ST3GAL3: variants seen among roughly 807,000 people sequenced by gnomAD.
ST3GAL3 encodes the protein CMP-N-acetylneuraminate-beta-1,4-galactoside alpha-2,3-sialyltransferase.
In ST3GAL3, 21 loss-of-function variants were observed where a neutral mutation model predicts 50.1. The observed-to-expected ratio is 0.42, with a 90% CI of 0.30 to 0.60. The LOEUF (loss-of-function observed/expected upper bound fraction) is 0.60. ST3GAL3 is among the 20% of genes least tolerant of loss of function. ST3GAL3 has a pLI of 0.19. For missense variants in ST3GAL3, 353 were observed against 489.4 expected (o/e 0.72, Z 2.63); for synonymous variants, 183 against 190.0 (o/e 0.96, Z 0.30).
chr1:43,911,168 G>C (rs1209371445), intron 9 of ST3GAL3: 1 of 150,704 alleles, frequency 6.6e-6, no homozygotes, highest in Non-Finnish European at 1.5e-5. Flanking sequence ...TTGAGACAGG[G>C]TCTTACTCCG....
At chr1:43,857,414 A>C (rs543195269) in intron 5 of ST3GAL3, among the ~76,000 whole-genome samples, 27 of 152,220 alleles carry the variant, frequency 1.8e-4, no homozygotes, top group South Asian at 1.0e-3. Context: ...ACCAAAAAAA[A>C]CCCAAAAAAA....
chr1:43,774,794 A>C (rs1321182291), intron 2 of ST3GAL3, among the ~76,000 whole-genome samples: 1 of 152,196 alleles, frequency 6.6e-6, no homozygotes. Context: ...CAGCAAATAC[A>C]TATTGAGTGT....
At chr1:43,917,569 TATA>T (rs1167427153) in intron 9 of ST3GAL3, among the ~76,000 whole-genome samples, 2 of 84,728 alleles carry the variant, frequency 2.4e-5, no homozygotes, top group African/African-American at 5.0e-5. Flanking sequence ...TATTATATTA[TATA>T]ATATATTACG....
intron 4 of ST3GAL3, among the ~76,000 whole-genome samples, chr1:43,826,612 C>T (rs1434237658): frequency 6.6e-6 from 1 of 152,150 alleles, no homozygotes; most frequent in Admixed American, 6.5e-5. Context: ...CTAGACATTA[C>T]CCTATTACCC....
At chr1:43,809,743 C>T (rs551696050) in intron 3 of ST3GAL3, among the ~76,000 whole-genome samples, 1 of 151,958 alleles carries the variant, frequency 6.6e-6, no homozygotes, top group South Asian at 2.1e-4. Context: ...GCCTGTAATC[C>T]TAGCACTTTG....
chr1:43,875,944 C>CTTA (rs2074009910), intron 5 of ST3GAL3, among the ~76,000 whole-genome samples: 26 of 49,086 alleles, frequency 5.3e-4, no homozygotes, highest in Admixed American at 3.3e-3. Context: ...TCTTCTTCTT[C>CTTA]TTCTTCTTAT....
chr1:43,746,764 G>GT (rs1683870536), intron 2 of ST3GAL3, among the ~76,000 whole-genome samples: 3 of 114,270 alleles, frequency 2.6e-5, no homozygotes, highest in Admixed American at 1.8e-4. Context: ...GCCTGGCCTA[G>GT]TTTTTGTTTT....
intron 2 of ST3GAL3, among the ~76,000 whole-genome samples, chr1:43,767,679 TG>T (rs1012334071): frequency 5.9e-4 from 16 of 26,976 alleles, no homozygotes; most frequent in Middle Eastern, 0.033. Flanking sequence ...AAAACTTGGG[TG>T]GGGGGGTAGG....
intron 9 of ST3GAL3, among the ~76,000 whole-genome samples, chr1:43,909,316 C>T (rs1209565378): frequency 6.6e-6 from 1 of 152,160 alleles, no homozygotes; most frequent in African/African-American, 2.4e-5. Flanking sequence ...CATCCTTTTG[C>T]TCTCTTCTTG....
chr1:43,883,000 T>G (rs2075405592), intron 5 of ST3GAL3, among the ~76,000 whole-genome samples: 1 of 150,372 alleles, frequency 6.7e-6, no homozygotes, highest in African/African-American at 2.4e-5. Flanking sequence ...CTCACTCTGT[T>G]GCCCAGGCTG....
chr1:43,907,247 C>G (rs1258899138), intron 9 of ST3GAL3, among the ~76,000 whole-genome samples: 1 of 152,196 alleles, frequency 6.6e-6, no homozygotes, highest in African/African-American at 2.4e-5. Flanking sequence ...TTCAGCAAAT[C>G]CAAAGCAATC....
At chr1:43,851,222 T>C in intron 5 of ST3GAL3, 6 of 1,546,632 alleles carry the variant, frequency 3.9e-6, no homozygotes, top group Non-Finnish European at 5.4e-6. Flanking sequence ...TGGGTTCACC[T>C]TATAGGGCAT....
At chr1:43,775,729 C>A (rs1005097389) in intron 2 of ST3GAL3, among the ~76,000 whole-genome samples, 2 of 152,030 alleles carry the variant, frequency 1.3e-5, no homozygotes, top group African/African-American at 4.8e-5. Flanking sequence ...CTTGTGCATA[C>A]CCTTGTTCAG....
Position 43,820,481 on chromosome 1 carries a change from CA to C in ST3GAL3, c.209+5549del, listed in dbSNP as rs147368543. Among the ~76,000 whole-genome samples the C allele has an allele frequency of 6.8e-3, 1,038 of 152,140 alleles. 29 individuals carry two copies. In the East Asian group the frequency reaches 0.069, roughly 10 times the overall value. On this transcript the variant is annotated intron_variant, in intron 4 of 11. Transcript: ENST00000347631. ...ACCTAATCAAAATAAAGAGCTTTTGCACAGCAAAAGAAACTATCAACAGAGT... is the reference window on the plus strand; with the variant it reads ...ACCTAATCAAAATAAAGAGCTTTTGCCAGCAAAAGAAACTATCAACAGAGT...
Position 43,778,802 on chromosome 1 carries a change from C to T in ST3GAL3, c.119-13300C>T, listed in dbSNP as rs1248729386. Among the ~76,000 whole-genome samples, 24 of 151,470 alleles carry T rather than the reference C, an allele frequency of 1.6e-4. No individual in the cohort carries two copies. In the East Asian group the frequency reaches 4.3e-3, roughly 27 times the overall value. ...CTGGGACTACAGGCACCCGCCACAA[C>T]GCCCGGCTAATTTTTTTTGTATTTT... On this transcript the variant is annotated intron_variant, in intron 2 of 11. Coordinates refer to ENST00000347631, the MANE Select transcript of ST3GAL3 (RefSeq NM_006279.5).
At chr1:43,809,420 G>A (rs933027952) in intron 3 of ST3GAL3, among the ~76,000 whole-genome samples, 1 of 152,216 alleles carries the variant, frequency 6.6e-6, no homozygotes, top group African/African-American at 2.4e-5. Context: ...ACAGAGTGAG[G>A]GCTGGGTGCA....
At position 43,773,838 on chromosome 1, in the gene ST3GAL3, A is replaced by C. The variant is rs1215696253; in HGVS notation, c.119-18264A>C. 3.9e-5 allele frequency among the ~76,000 whole-genome samples: 6 copies of C among 152,344 alleles called. No homozygotes were observed. In the East Asian group the frequency reaches 9.6e-4, roughly 24 times the overall value. ...TAACCAAATGATCCAATTTAATATC[A>C]CCAGTAGTGGGACAGTCTGTCATTA... On this transcript the variant is annotated intron_variant, in intron 2 of 11. Coordinates refer to ENST00000347631, the MANE Select transcript of ST3GAL3 (RefSeq NM_006279.5).
Position 43,873,630 on chromosome 1 carries a change from C to T in ST3GAL3, c.303-20753C>T, listed in dbSNP as rs182213091. Among the ~76,000 whole-genome samples the T allele has an allele frequency of 4.7e-4, 72 of 152,022 alleles. 1 individual carries two copies. The East Asian group carries it at 0.013, about 28-fold the overall frequency. On this transcript the variant is annotated intron_variant, in intron 5 of 11. Transcript: ENST00000347631. ...CAGAACTCCATCTCCACTAAAAATA[C>T]AAAAATTAGCTGGGTGTGGTGGTGC...
chr1:43,801,418 T>A (rs1235934160), intron 3 of ST3GAL3: 1 of 455,612 alleles, frequency 2.2e-6, no homozygotes, highest in Non-Finnish European at 4.4e-6. Context: ...ATTCTGGGGC[T>A]CAGTAGCCTG....
Sources: gnomAD v4.1 joint callset for allele counts (sites outside exome capture counted in the v4.1 genomes callset) on GRCh38, gnomAD v4.1.1 for gene constraint, MANE v1.5 for transcripts, NCBI Gene and HGNC (gene_info 2026-07-23, HGNC 2026-07-21) for gene names.